The following CHN1 variants were observed in gnomAD, a reference collection of about 807,000 sequenced individuals.
CHN1 encodes the protein chimerin 1.
In CHN1, 37 loss-of-function variants were observed where a neutral mutation model predicts 59.5. That is an observed-to-expected ratio of 0.62 (90% CI 0.48 to 0.82). CHN1 has a LOEUF of 0.82. CHN1 is among the 40% of genes least tolerant of loss of function. The pLI is 0.00. For missense variants in CHN1, 469 were observed against 571.0 expected (o/e 0.82, Z 1.82); for synonymous variants, 206 against 200.4 (o/e 1.03, Z -0.24).
At chr2:174,822,560 T>C (rs1558938662) in intron 8 of CHN1, among the ~76,000 whole-genome samples, 1 of 152,160 alleles carries the variant, frequency 6.6e-6, no homozygotes, top group African/African-American at 2.4e-5. Flanking sequence ...GTGACAGTCA[T>C]AAAACATTTA....
chr2:174,842,396 G>C (rs1206747578), intron 7 of CHN1, among the ~76,000 whole-genome samples: 1 of 151,992 alleles, frequency 6.6e-6, no homozygotes, highest in Non-Finnish European at 1.5e-5. Flanking sequence ...TTGAAAATTT[G>C]TCTCCATAGG....
At chr2:174,867,148 C>T (rs1311971025) in intron 6 of CHN1, among the ~76,000 whole-genome samples, 6 of 150,262 alleles carry the variant, frequency 4.0e-5, no homozygotes, top group African/African-American at 7.4e-5. Flanking sequence ...CCAAGGCAGG[C>T]GGATCAGTTG....
intron 7 of CHN1, among the ~76,000 whole-genome samples, chr2:174,833,798 T>C (rs919012174): frequency 7.5e-5 from 11 of 146,806 alleles, no homozygotes; most frequent in Admixed American, 6.8e-4. Context: ...TACACATCTT[T>C]TTTTTTTTTT....
At chr2:174,982,246 C>T (rs1691179605) in intron 1 of CHN1, among the ~76,000 whole-genome samples, 1 of 152,086 alleles carries the variant, frequency 6.6e-6, no homozygotes, top group Non-Finnish European at 1.5e-5. Flanking sequence ...TGAATAGTGC[C>T]ACAATAAACA....
intron 3 of CHN1, among the ~76,000 whole-genome samples, chr2:174,920,592 A>C (rs1324066301): frequency 2.0e-5 from 3 of 152,224 alleles, no homozygotes; most frequent in African/African-American, 7.2e-5. Flanking sequence ...TTAGTTCTGC[A>C]TACAGCTTGA....
chr2:174,965,849 A>G (rs538493617), intron 1 of CHN1, among the ~76,000 whole-genome samples: 1 of 152,328 alleles, frequency 6.6e-6, no homozygotes, highest in South Asian at 2.1e-4. Flanking sequence ...TTATTTGACT[A>G]TAAAGTGATT....
intron 7 of CHN1, among the ~76,000 whole-genome samples, chr2:174,838,480 C>T (rs1432704579): frequency 6.6e-6 from 1 of 152,154 alleles, no homozygotes; most frequent in African/African-American, 2.4e-5. Flanking sequence ...CACATTTTGT[C>T]AGTTAAACAA....
intron 6 of CHN1, among the ~76,000 whole-genome samples, chr2:174,872,629 A>G (rs1454269509): frequency 6.6e-6 from 1 of 152,212 alleles, no homozygotes; most frequent in African/African-American, 2.4e-5. Context: ...AGCTATCACC[A>G]TATTATTAAA....
chr2:174,907,294 G>GA (rs1049844568), intron 5 of CHN1, among the ~76,000 whole-genome samples: 1 of 151,886 alleles, frequency 6.6e-6, no homozygotes, highest in South Asian at 2.1e-4. Context: ...ACTACTGCTG[G>GA]AAAAAAAATT....
intron 1 of CHN1, among the ~76,000 whole-genome samples, chr2:175,004,089 T>TA (rs142255407): frequency 0.046 from 7,025 of 152,292 alleles, 606 homozygotes; most frequent in African/African-American, 0.16. Context: ...TTTGAACGTC[T>TA]AATGTTCACA....
At chr2:174,930,923 C>T (rs115138111) in intron 3 of CHN1, among the ~76,000 whole-genome samples, 6,040 of 152,030 alleles carry the variant, frequency 0.04, 427 homozygotes, top group African/African-American at 0.14. Flanking sequence ...GCACCACCTA[C>T]GCCAGGCTAA....
At chr2:174,978,993 T>C (rs1288284806) in intron 1 of CHN1, among the ~76,000 whole-genome samples, 5 of 152,236 alleles carry the variant, frequency 3.3e-5, no homozygotes, top group African/African-American at 1.2e-4. Context: ...TAGGGCTAAA[T>C]TGCACAGAGA....
At chr2:174,904,799 C>T (rs1414050469) in intron 5 of CHN1, among the ~76,000 whole-genome samples, 1 of 152,196 alleles carries the variant, frequency 6.6e-6, no homozygotes, top group Admixed American at 6.5e-5. Flanking sequence ...GTATCTACCA[C>T]ATGGTCTTAT....
At chr2:174,942,896 C>G (rs960086035) in intron 3 of CHN1, among the ~76,000 whole-genome samples, 1 of 151,800 alleles carries the variant, frequency 6.6e-6, no homozygotes, top group African/African-American at 2.4e-5. Flanking sequence ...CAAAAAAGTA[C>G]AAAAATTAGC....
At chr2:174,912,292 G>C (rs1334464877) in intron 5 of CHN1, among the ~76,000 whole-genome samples, 1 of 152,054 alleles carries the variant, frequency 6.6e-6, no homozygotes, top group Non-Finnish European at 1.5e-5. Context: ...TGTAAGGTAG[G>C]GGCCTCTGGA....
chr2:174,913,219 TA>T (rs2105368612), intron 5 of CHN1, among the ~76,000 whole-genome samples: 1 of 152,326 alleles, frequency 6.6e-6, no homozygotes, highest in East Asian at 1.9e-4. Flanking sequence ...TAAAGTTTTA[TA>T]ACTTCCAAGT....
At position 174,844,748 on chromosome 2, in the gene CHN1, C is replaced by T. The variant is rs533865436; in HGVS notation, c.627+2132G>A. On this transcript the variant is annotated intron_variant, in intron 7 of 12. Transcript: ENST00000409900. ...TCCTTTCTTATTTTTTATAGTGCCA[C>T]CCCACAGAAACATTTTTAAATAACA... Among the ~76,000 whole-genome samples, 15 of 152,188 alleles carry T rather than the reference C, an allele frequency of 9.9e-5. No homozygotes were observed. In the South Asian group the frequency reaches 3.1e-3, roughly 32 times the overall value.
chr2:174,872,551 T>C (rs1255015149), intron 6 of CHN1, among the ~76,000 whole-genome samples: 1 of 152,102 alleles, frequency 6.6e-6, no homozygotes, highest in Admixed American at 6.5e-5. Context: ...AGGAAAATAA[T>C]ATATTTTGGC....
At chr2:174,837,097 A>G (rs1250004118) in intron 7 of CHN1, 1 of 152,224 alleles carries the variant, frequency 6.6e-6, no homozygotes, top group Non-Finnish European at 1.5e-5. Context: ...CACTTGCAGT[A>G]AAAGTCTCTC....
Sources: gnomAD v4.1 joint callset for allele counts (sites outside exome capture counted in the v4.1 genomes callset) on GRCh38, gnomAD v4.1.1 for gene constraint, MANE v1.5 for transcripts, NCBI Gene and HGNC (gene_info 2026-07-23, HGNC 2026-07-21) for gene names.